The following SLC26A5 variants were observed in gnomAD, a reference collection of about 807,000 sequenced individuals.
The protein encoded by SLC26A5 is solute carrier family 26 member 5, also known as prestin.
SLC26A5 carries 51 observed loss-of-function variants against 81.0 expected under a neutral mutation model. That is an observed-to-expected ratio of 0.63 (90% CI 0.50 to 0.80). The LOEUF (loss-of-function observed/expected upper bound fraction) is 0.80. Among genes scored for constraint, SLC26A5 ranks in the 30% least tolerant of loss-of-function variants. The pLI is 0.00. For synonymous variants in SLC26A5, 325 were observed against 332.8 expected (o/e 0.98, Z 0.25); for missense variants, 771 against 905.8 (o/e 0.85, Z 1.91).
intron 19 of SLC26A5, chr7:103,363,325 A>G (rs1212665031): frequency 1.3e-6 from 2 of 1,583,998 alleles, no homozygotes; most frequent in South Asian, 2.2e-5. Context: ...TATGTTGTAC[A>G]TTTCTGTCCC....
At chr7:103,398,769 A>G (rs1222594110) in intron 8 of SLC26A5, among the ~76,000 whole-genome samples, 1 of 152,198 alleles carries the variant, frequency 6.6e-6, no homozygotes, top group Admixed American at 6.5e-5. Flanking sequence ...CAGGGAAGGA[A>G]GCCAGCCCCT....
chr7:103,391,187 A>G (rs1328120835), intron 11 of SLC26A5, among the ~76,000 whole-genome samples: 3 of 152,202 alleles, frequency 2.0e-5, no homozygotes, highest in Non-Finnish European at 2.9e-5. Context: ...GTAAAAATTA[A>G]AAGTCAGGTC....
intron 19 of SLC26A5, among the ~76,000 whole-genome samples, chr7:103,375,671 C>T (rs550852935): frequency 2.0e-5 from 3 of 152,148 alleles, no homozygotes; most frequent in South Asian, 2.1e-4. Flanking sequence ...TAGGCTCAAG[C>T]GATCCTCCTA....
In SLC26A5 at chr7:103,384,602, G is replaced by A. The variant is rs532568951; in HGVS notation, c.1515-4053C>T. Among the ~76,000 whole-genome samples, 44 of 150,864 alleles carry A rather than the reference G, an allele frequency of 2.9e-4. 1 individual carries two copies. Among genetic ancestry groups the A allele is most frequent in the Non-Finnish European group, 5.0e-4 (34 of 68,000 alleles). On this transcript the variant is annotated intron_variant, in intron 14 of 19. Transcript: ENST00000306312. The stretch of plus-strand genomic sequence containing the variant: ...ACTGCACTCCAGCCTGGGCGACAGA[G>A]CATGACTCTGTCTTAAAAAAAAAAG...
Position 103,379,288 on chromosome 7 carries a change from A to C in SLC26A5, c.1632T>G (p.Ile544Met). ...GIKIFQINAPIYYANSDLYSN... is the reference protein window; with the variant it reads ...GIKIFQINAPMYYANSDLYSN... ...TATACAAGTCGCTATTTGCATAGTA[A>C]ATTGGTGCATTTATTTGAAATATTT... Residue 544 changes from isoleucine to methionine, a missense_variant, in exon 16 of 20, where the codon ATT (isoleucine) becomes ATG (methionine). By Grantham distance (10) the Ile-to-Met change is conservative. Coordinates refer to ENST00000306312, the MANE Select transcript of SLC26A5 (RefSeq NM_198999.3). The C allele has an allele frequency of 1.2e-6, 2 of 1,611,788 alleles. No individual in the cohort carries two copies. Among genetic ancestry groups the C allele is most frequent in the Non-Finnish European group, 1.7e-6 (2 of 1,178,080 alleles).
chr7:103,376,780 C>T, intron 19 of SLC26A5, 28 bp downstream of exon 19: 1 of 1,507,556 alleles, frequency 6.6e-7, no homozygotes, highest in South Asian at 1.2e-5. Flanking sequence ...AAATATTAAG[C>T]TTCACCCCAT....
At chr7:103,384,825 C>G (rs1005253792) in intron 14 of SLC26A5, among the ~76,000 whole-genome samples, 11 of 152,098 alleles carry the variant, frequency 7.2e-5, no homozygotes, top group Non-Finnish European at 1.6e-4. Flanking sequence ...GAGCCAGGCA[C>G]ATAAGTAATT....
Position 103,421,581 on chromosome 7 carries a change from G to GA in SLC26A5, c.-53-15dup, listed in dbSNP as rs1554345737. The GA allele has an allele frequency of 6.4e-7, 1 of 1,551,310 alleles. No homozygotes were observed. The highest frequency in any genetic ancestry group is 8.9e-7 in the Non-Finnish European group (1 of 1,128,300). On this transcript the variant is annotated splice_polypyrimidine_tract_variant and intron_variant, in intron 2 of 19. Coordinates refer to ENST00000306312, the MANE Select transcript of SLC26A5 (RefSeq NM_198999.3). The stretch of plus-strand genomic sequence containing the variant: ...TCCTGAGTGTCACTAGGGGAAAAAA[G>GA]AAAAACTCCATTTTACTTGCCAAAA...
At chr7:103,417,386 GAA>G (rs1227617029) in intron 4 of SLC26A5, among the ~76,000 whole-genome samples, 2 of 140,008 alleles carry the variant, frequency 1.4e-5, no homozygotes, top group Non-Finnish European at 3.1e-5. Flanking sequence ...AAAAAAAAAA[GAA>G]AAAAAAATAG....
chr7:103,402,736 C>T (rs1373472311), intron 8 of SLC26A5, among the ~76,000 whole-genome samples: 4 of 151,626 alleles, frequency 2.6e-5, no homozygotes, highest in African/African-American at 7.3e-5. Context: ...GGTGATATCC[C>T]CTTTCTCATT....
exon 20 of SLC26A5, chr7:103,352,732 A>G: frequency 5.5e-6 from 4 of 722,752 alleles, no homozygotes; most frequent in Non-Finnish European, 1.0e-5. Flanking sequence ...TCATCCTGGT[A>G]GATTCATTTT....
At chr7:103,400,040 T>C (rs938929865) in intron 8 of SLC26A5, among the ~76,000 whole-genome samples, 1 of 151,828 alleles carries the variant, frequency 6.6e-6, no homozygotes, top group African/African-American at 2.4e-5. Flanking sequence ...CATGTGTGGA[T>C]GTGTCTTTAT....
intron 9 of SLC26A5, among the ~76,000 whole-genome samples, chr7:103,396,871 G>A (rs1823149697): frequency 6.6e-6 from 1 of 152,102 alleles, no homozygotes; most frequent in Non-Finnish European, 1.5e-5. Context: ...GAGGCGGGCG[G>A]ATCACATGAG....
intron 9 of SLC26A5, among the ~76,000 whole-genome samples, chr7:103,395,858 T>A (rs1388722710): frequency 6.6e-6 from 1 of 152,000 alleles, no homozygotes; most frequent in African/African-American, 2.4e-5. Context: ...ATAATATAGA[T>A]GAAGCAAAGA....
chr7:103,365,015 G>A (rs1463525046), intron 19 of SLC26A5, among the ~76,000 whole-genome samples: 1 of 137,858 alleles, frequency 7.3e-6, no homozygotes, highest in African/African-American at 2.7e-5. Flanking sequence ...TATATGTATT[G>A]TATCTGAAAC....
chr7:103,365,961 T>C, intron 19 of SLC26A5: 1 of 806,026 alleles, frequency 1.2e-6, no homozygotes. Context: ...GTTTAGGTAA[T>C]AATGGGTGAG....
chr7:103,388,258 G>A (rs916696060), intron 14 of SLC26A5, among the ~76,000 whole-genome samples: 3 of 146,140 alleles, frequency 2.1e-5, no homozygotes, highest in Admixed American at 6.9e-5. Flanking sequence ...GCGTAGTGGT[G>A]TGATCTTGGC....
In SLC26A5 at chr7:103,385,356, G is replaced by T. The variant is rs990013188; in HGVS notation, c.1514+3652C>A. ...TTTTTGATCGAGCCAGGATGGTCTCGATCTCCTGACCTCGTGATCCACCTG... is the reference window on the plus strand; with the variant it reads ...TTTTTGATCGAGCCAGGATGGTCTCTATCTCCTGACCTCGTGATCCACCTG... On this transcript the variant is annotated intron_variant, in intron 14 of 19. Transcript: ENST00000306312. Among the ~76,000 whole-genome samples, 15 of 152,054 alleles carry T rather than the reference G, an allele frequency of 9.9e-5. 1 individual carries two copies. Among genetic ancestry groups the T allele is most frequent in the Non-Finnish European group, 1.9e-4 (13 of 68,024 alleles).
At chr7:103,397,164 T>C (rs1343332723) in intron 9 of SLC26A5, among the ~76,000 whole-genome samples, 1 of 149,296 alleles carries the variant, frequency 6.7e-6, no homozygotes, top group Non-Finnish European at 1.5e-5. Flanking sequence ...TCCAGCACTT[T>C]GGGAAGCTGA....
Sources: allele counts gnomAD v4.1 joint callset (sites outside exome capture counted in the v4.1 genomes callset), GRCh38; gene constraint gnomAD v4.1.1; transcripts MANE v1.5; gene names NCBI Gene and HGNC (gene_info 2026-07-23, HGNC 2026-07-21).